Variants in RABGAP1L observed in about 807,000 individuals in gnomAD.
RABGAP1L encodes the protein RAB GTPase activating protein 1 like, also known as rab GTPase-activating protein 1-like.
In RABGAP1L, 63 loss-of-function variants were observed where a neutral mutation model predicts 137.7. The observed-to-expected ratio is 0.46, with a 90% CI of 0.37 to 0.56. The LOEUF is 0.56. RABGAP1L is among the 20% of genes least tolerant of loss of function. The probability of loss-of-function intolerance (pLI) is 0.00; values close to 1 mark genes in which losing one functional copy is unlikely to be tolerated. For synonymous variants in RABGAP1L, 431 were observed against 433.7 expected (o/e 0.99, Z 0.08); for missense variants, 1,095 against 1,244.0 (o/e 0.88, Z 1.80).
intron 1 of RABGAP1L, among the ~76,000 whole-genome samples, chr1:174,179,068 G>GT (rs954357239): frequency 2.6e-5 from 4 of 151,780 alleles, no homozygotes; most frequent in South Asian, 2.1e-4. Flanking sequence ...TGTTAAGCTA[G>GT]TTTTTTTTTA....
intron 13 of RABGAP1L, among the ~76,000 whole-genome samples, chr1:174,418,952 C>T (rs1418774474): frequency 3.9e-5 from 6 of 152,040 alleles, no homozygotes; most frequent in African/African-American, 1.2e-4. Flanking sequence ...GCAGGAGAAT[C>T]GCTTGAACCT....
chr1:174,199,294 GT>G lies in RABGAP1L; in HGVS notation c.-33-19823del, dbSNP rs1233842225. 2.0e-5 allele frequency among the ~76,000 whole-genome samples: 3 copies of G among 151,316 alleles called. No individual in the cohort carries two copies. The Admixed American group carries it at 2.0e-4, about 10-fold the overall frequency. Reference sequence around the variant, plus strand: ...GTGGAGGCAATTTTATTCATGTATTGTTTTTTTTCTTTTTTAAGACAGGGTC... The same window carrying G: ...GTGGAGGCAATTTTATTCATGTATTGTTTTTTTCTTTTTTAAGACAGGGTC... On this transcript the variant is annotated intron_variant, in intron 1 of 25. Transcript: ENST00000681986.
chr1:174,914,243 A>G (rs1316134803), intron 19 of RABGAP1L, among the ~76,000 whole-genome samples: 1 of 152,208 alleles, frequency 6.6e-6, no homozygotes, highest in East Asian at 1.9e-4. Context: ...AGCTGCTTCC[A>G]TTGATGGGTT....
At chr1:174,816,326 AT>A (rs1415686463) in intron 19 of RABGAP1L, among the ~76,000 whole-genome samples, 2 of 151,578 alleles carry the variant, frequency 1.3e-5, no homozygotes, top group African/African-American at 4.8e-5. Context: ...ATAATGTTCT[AT>A]TTTTAGTAGA....
In RABGAP1L at chr1:174,733,748, A is replaced by G. The variant is rs539069856; in HGVS notation, c.2170-18565A>G. On this transcript the variant is annotated intron_variant, in intron 17 of 25. Coordinates refer to ENST00000681986, the MANE Select transcript of RABGAP1L (RefSeq NM_001366446.1). ...GGGGAAGAAAAGCAAGATTTGGAAGAGAAATGATAGGATTTGATGTCTCCC... is the reference window on the plus strand; with the variant it reads ...GGGGAAGAAAAGCAAGATTTGGAAGGGAAATGATAGGATTTGATGTCTCCC... Among the ~76,000 whole-genome samples the G allele has an allele frequency of 7.9e-5, 12 of 152,334 alleles. No homozygotes were observed. The East Asian group carries it at 2.3e-3, about 29-fold the overall frequency.
chr1:174,233,274 T>TTA (rs1353498379), intron 4 of RABGAP1L, among the ~76,000 whole-genome samples: 1 of 151,790 alleles, frequency 6.6e-6, no homozygotes, highest in Middle Eastern at 3.2e-3. Flanking sequence ...TAATTTTTTT[T>TTA]TTTATTATAC....
At position 174,991,425 on chromosome 1, in the gene RABGAP1L, T is replaced by C. The variant is rs1050165911; in HGVS notation, c.*1424T>C. ...GCCAGAATGATTCTCATCTGTGCCA[T>C]ATTTTGCAATTAAAAGTAACACACC... On this transcript the variant is annotated 3_prime_UTR_variant, in exon 26 of 26. Coordinates refer to ENST00000681986, the MANE Select transcript of RABGAP1L (RefSeq NM_001366446.1). 6.6e-6 allele frequency: 1 copy of C among 152,240 alleles called. No homozygotes were observed. Among genetic ancestry groups the C allele is most frequent in the African/African-American group, 2.4e-5 (1 of 41,466 alleles). The allele number at this position is 152,240 out of a possible 1,614,324, so 9.4% of individuals were successfully genotyped here.
intron 13 of RABGAP1L, among the ~76,000 whole-genome samples, chr1:174,515,444 G>C (rs760077006): frequency 6.6e-6 from 1 of 150,710 alleles, no homozygotes; most frequent in Admixed American, 6.6e-5. Flanking sequence ...CACTTGGCAG[G>C]AGTGTTGATT....
At chr1:174,383,786 G>T (rs1250615482) in intron 12 of RABGAP1L, among the ~76,000 whole-genome samples, 1 of 152,146 alleles carries the variant, frequency 6.6e-6, no homozygotes, top group Non-Finnish European at 1.5e-5. Context: ...GACCGGAGCT[G>T]TTCCTATTCG....
intron 13 of RABGAP1L, among the ~76,000 whole-genome samples, chr1:174,553,970 G>A (rs1666718167): frequency 6.6e-6 from 1 of 152,132 alleles, no homozygotes; most frequent in Non-Finnish European, 1.5e-5. Context: ...CAGCCAGGGT[G>A]ACAGAGTGAG....
intron 12 of RABGAP1L, among the ~76,000 whole-genome samples, chr1:174,379,379 G>A (rs1571509141): frequency 6.7e-6 from 1 of 148,304 alleles, no homozygotes; most frequent in Non-Finnish European, 1.5e-5. Context: ...ACCTTGGGCA[G>A]TATGGCCATT....
chr1:174,489,365 G>A (rs914539760), intron 13 of RABGAP1L, among the ~76,000 whole-genome samples: 91 of 152,186 alleles, frequency 6.0e-4, no homozygotes, highest in African/African-American at 1.9e-3. Context: ...AAAAGTGGAC[G>A]AAGGATATGA....
At chr1:174,425,836 G>T (rs1468595365) in intron 13 of RABGAP1L, among the ~76,000 whole-genome samples, 2 of 151,910 alleles carry the variant, frequency 1.3e-5, no homozygotes, top group African/African-American at 4.8e-5. Flanking sequence ...TTGGGTAAAT[G>T]GTTCTTCTGA....
At chr1:174,562,063 C>G (rs944797296) in intron 13 of RABGAP1L, among the ~76,000 whole-genome samples, 4 of 152,140 alleles carry the variant, frequency 2.6e-5, no homozygotes, top group Non-Finnish European at 5.9e-5. Flanking sequence ...TCAGAAGGAA[C>G]AGGAAATCTA....
At chr1:174,327,450 TG>T (rs1276137505) in intron 11 of RABGAP1L, among the ~76,000 whole-genome samples, 1 of 152,052 alleles carries the variant, frequency 6.6e-6, no homozygotes, top group African/African-American at 2.4e-5. Context: ...AACTGTAAGA[TG>T]TTTTTTGTAA....
chr1:174,321,802 G>A (rs567823621), intron 11 of RABGAP1L, among the ~76,000 whole-genome samples: 10 of 152,236 alleles, frequency 6.6e-5, no homozygotes, highest in African/African-American at 1.7e-4. Context: ...TAGTGTGTGT[G>A]TGTTGTGGTA....
At chr1:174,548,150 T>C in intron 13 of RABGAP1L, 1 of 1,484,492 alleles carries the variant, frequency 6.7e-7, no homozygotes, top group Non-Finnish European at 8.9e-7. Context: ...CCCAGGTTGA[T>C]GTTACATATG....
intron 2 of RABGAP1L, 71 bp downstream of exon 2, chr1:174,219,366 A>T: frequency 9.1e-7 from 1 of 1,102,288 alleles, no homozygotes; most frequent in Non-Finnish European, 1.2e-6. Flanking sequence ...AGATGTGTAA[A>T]ATGCAAAGGT....
chr1:174,853,873 T>A (rs1159567207), intron 19 of RABGAP1L, among the ~76,000 whole-genome samples: 4 of 152,220 alleles, frequency 2.6e-5, no homozygotes, highest in Non-Finnish European at 5.9e-5. Flanking sequence ...CAAAGTCATG[T>A]TTGGCTCTCT....
Sources: gnomAD v4.1 joint callset for allele counts (sites outside exome capture counted in the v4.1 genomes callset) on GRCh38, gnomAD v4.1.1 for gene constraint, MANE v1.5 for transcripts, NCBI Gene and HGNC (gene_info 2026-07-23, HGNC 2026-07-21) for gene names.